The following CSGALNACT1 variants were observed in gnomAD, a reference collection of about 807,000 sequenced individuals.
The protein encoded by CSGALNACT1 is beta4GalNAcT-1.
Under a neutral mutation model 51.0 loss-of-function variants are expected in CSGALNACT1, and 52 were observed. That is an observed-to-expected ratio of 1.02 (90% confidence interval 0.82 to 1.29). The LOEUF (loss-of-function observed/expected upper bound fraction) is 1.29, where lower values mean the gene tolerates loss of function less well. Among genes scored for constraint, CSGALNACT1 ranks in the 50% most tolerant of loss-of-function variants. CSGALNACT1 has a pLI of 0.00. For missense variants in CSGALNACT1, 935 were observed against 679.2 expected, an observed-to-expected ratio of 1.38 and a Z score of -4.19; for synonymous variants, 341 against 254.4, an observed-to-expected ratio of 1.34 and a Z score of -3.24.
chr8:19,408,518 C>T (rs1466900159), intron 9 of CSGALNACT1, 95 bp downstream of exon 8: 5 of 575,544 alleles, frequency 8.7e-6, no homozygotes, highest in Non-Finnish European at 1.2e-5. Context: ...GTACCACCTT[C>T]CCAACCAGAC....
chr8:19,604,674 G>A (rs58409345), upstream of CSGALNACT1, among the ~76,000 whole-genome samples: 2 of 151,138 alleles, frequency 1.3e-5, no homozygotes, highest in East Asian at 3.9e-4. Context: ...TTGGGAGGCC[G>A]AGGCGGGCAG....
At chr8:19,484,068 T>G (rs1465904913) in intron 4 of CSGALNACT1, among the ~76,000 whole-genome samples, 1 of 152,164 alleles carries the variant, frequency 6.6e-6, no homozygotes, top group African/African-American at 2.4e-5. Flanking sequence ...CAGCCCTCCC[T>G]CCACCCCATT....
At chr8:19,419,327 G>T (rs530480024) in intron 7 of CSGALNACT1, among the ~76,000 whole-genome samples, 1 of 152,200 alleles carries the variant, frequency 6.6e-6, no homozygotes, top group South Asian at 2.1e-4. Context: ...GGGTGTGAAA[G>T]AGAGTCCTGG....
rs139634021 is a variant in CSGALNACT1 at position 19,710,069 on chromosome 8, C to G, written c.-297+47781G>C. 6.1e-4 allele frequency among the ~76,000 whole-genome samples: 93 copies of G among 152,214 alleles called. 1 individual carries two copies. In the Middle Eastern group the frequency reaches 0.017, roughly 28 times the overall value. On this transcript the variant is annotated intron_variant, in intron 1 of 1. Coordinates refer to the CSGALNACT1 transcript ENST00000517494. ...ACTCCCCACAGGCTTAATTTTTCCT[C>G]CTTAAGAAATACTTCTAGGAAAACA...
At chr8:19,514,197 T>C (rs2079032784) in intron 3 of CSGALNACT1, among the ~76,000 whole-genome samples, 2 of 152,072 alleles carry the variant, frequency 1.3e-5, no homozygotes, top group East Asian at 1.9e-4. Flanking sequence ...GGGGTCCCAC[T>C]GGGGAGTCAA....
chr8:19,544,782 G>C (rs183329446), intron 3 of CSGALNACT1, among the ~76,000 whole-genome samples: 1 of 152,152 alleles, frequency 6.6e-6, no homozygotes, highest in Non-Finnish European at 1.5e-5. Flanking sequence ...TGCATAATTG[G>C]TCCAATTTTC....
chr8:19,482,432 T>G (rs1463982684), intron 4 of CSGALNACT1, among the ~76,000 whole-genome samples: 2 of 152,162 alleles, frequency 1.3e-5, no homozygotes, highest in African/African-American at 4.8e-5. Context: ...ACCACTCCAC[T>G]GATGATGTTC....
chr8:19,581,146 G>C (rs1032634065), intron 3 of CSGALNACT1, among the ~76,000 whole-genome samples: 1 of 152,170 alleles, frequency 6.6e-6, no homozygotes, highest in Non-Finnish European at 1.5e-5. Flanking sequence ...GATCCAACAA[G>C]CTCCATGAAC....
chr8:19,655,617 C>T (rs1376440514), intron 1 of CSGALNACT1, among the ~76,000 whole-genome samples: 2 of 151,722 alleles, frequency 1.3e-5, no homozygotes, highest in African/African-American at 4.9e-5. Context: ...CAGAGTTTTG[C>T]CATGTTGCCT....
At chr8:19,682,539 G>A (rs1444987128) in exon 1 of CSGALNACT1, 1 of 428,856 alleles carries the variant, frequency 2.3e-6, no homozygotes, top group Non-Finnish European at 4.7e-6. Flanking sequence ...GTCTTTCCCG[G>A]TCTTTGCTGT....
intron 3 of CSGALNACT1, among the ~76,000 whole-genome samples, chr8:19,575,909 T>C (rs1308218546): frequency 6.6e-6 from 1 of 152,082 alleles, no homozygotes; most frequent in Non-Finnish European, 1.5e-5. Flanking sequence ...TCTTTTGAGA[T>C]ATTTTAATAA....
chr8:19,751,950 T>C lies in CSGALNACT1; in HGVS notation c.-297+5900A>G, dbSNP rs187992798. ...CAGTCTCAGGTAGTTCTTTACATCA[T>C]TGTGAGAACAGACTAATACATGTGT... On this transcript the variant is annotated intron_variant, in intron 1 of 1. Coordinates refer to the CSGALNACT1 transcript ENST00000517494. 5.7e-4 allele frequency among the ~76,000 whole-genome samples: 86 copies of C among 152,028 alleles called. 1 individual carries two copies. Among genetic ancestry groups the C allele is most frequent in the Admixed American group, 3.3e-3 (51 of 15,270 alleles).
chr8:19,518,304 T>G (rs886180011), intron 3 of CSGALNACT1, among the ~76,000 whole-genome samples: 1 of 152,158 alleles, frequency 6.6e-6, no homozygotes, highest in Non-Finnish European at 1.5e-5. Context: ...GGAGTTTGCA[T>G]GGATGATTAA....
intron 3 of CSGALNACT1, among the ~76,000 whole-genome samples, chr8:19,534,269 C>T (rs2083327884): frequency 6.6e-6 from 1 of 152,038 alleles, no homozygotes; most frequent in Non-Finnish European, 1.5e-5. Context: ...CTGGCCAACA[C>T]TGTGACACCT....
chr8:19,731,499 C>G (rs1409118673), intron 1 of CSGALNACT1, among the ~76,000 whole-genome samples: 1 of 152,140 alleles, frequency 6.6e-6, no homozygotes, highest in Non-Finnish European at 1.5e-5. Context: ...GAGCGAGACT[C>G]CATCTCAAAT....
intron 1 of CSGALNACT1, among the ~76,000 whole-genome samples, chr8:19,698,066 T>C (rs1191038279): frequency 3.7e-5 from 5 of 135,790 alleles, no homozygotes; most frequent in African/African-American, 1.3e-4. Flanking sequence ...GGAGCTCCAC[T>C]GCGGGGGCTG....
intron 1 of CSGALNACT1, among the ~76,000 whole-genome samples, chr8:19,618,729 G>C (rs1464986280): frequency 6.6e-6 from 1 of 151,024 alleles, no homozygotes; most frequent in Non-Finnish European, 1.5e-5. Flanking sequence ...GCTTCTCCCT[G>C]TCCTAGAAAC....
chr8:19,630,658 A>G (rs1325607237), intron 1 of CSGALNACT1, among the ~76,000 whole-genome samples: 1 of 152,156 alleles, frequency 6.6e-6, no homozygotes, highest in Admixed American at 6.5e-5. Flanking sequence ...AAAACCACCA[A>G]AACCACTGAT....
At chr8:19,488,366 T>C (rs1486053247) in intron 4 of CSGALNACT1, among the ~76,000 whole-genome samples, 1 of 89,460 alleles carries the variant, frequency 1.1e-5, no homozygotes, top group Admixed American at 1.6e-4. Flanking sequence ...TATATTTATA[T>C]ATACATATAT....
Sources: gnomAD v4.1 joint callset for allele counts (sites outside exome capture counted in the v4.1 genomes callset) on GRCh38, gnomAD v4.1.1 for gene constraint, MANE v1.5 for transcripts, NCBI Gene and HGNC (gene_info 2026-07-23, HGNC 2026-07-21) for gene names.